GALNT10: variants seen among roughly 807,000 people sequenced by gnomAD.
GALNT10 encodes the protein GalNAc transferase 10.
A neutral mutation model predicts 75.0 loss-of-function variants in GALNT10; 41 were observed. The observed-to-expected ratio is 0.55, with a 90% CI of 0.43 to 0.71. The LOEUF is 0.71. GALNT10 is among the 30% of genes least tolerant of loss of function. GALNT10 has a pLI of 0.00. For missense variants in GALNT10, 727 were observed against 818.5 expected, an observed-to-expected ratio of 0.89 and a Z score of 1.36; for synonymous variants, 302 against 313.0, an observed-to-expected ratio of 0.96 and a Z score of 0.37.
In GALNT10 at chr5:154,377,029, T is replaced by C. The variant is rs147267126; in HGVS notation, c.754+567T>C. Reference sequence around the variant, plus strand: ...ATCTGTCGGGCTCCAAAGTCTATTCTCCTTCGCAGTTCTACATTGCCTCCC... The same window carrying C: ...ATCTGTCGGGCTCCAAAGTCTATTCCCCTTCGCAGTTCTACATTGCCTCCC... On this transcript the variant is annotated intron_variant, in intron 5 of 11. Transcript: ENST00000297107. Among the ~76,000 whole-genome samples, 1,485 of 152,364 alleles carry C rather than the reference T, an allele frequency of 9.7e-3. 14 individuals are homozygous for C. The highest frequency in any genetic ancestry group is 0.014 in the Non-Finnish European group (967 of 68,030).
chr5:154,323,709 G>A (rs79856737), intron 3 of GALNT10, among the ~76,000 whole-genome samples: 5,650 of 152,278 alleles, frequency 0.037, 170 homozygotes, highest in Middle Eastern at 0.078. Context: ...AGGTTCCTTC[G>A]CCTCATTGAG....
chr5:154,271,066 C>T (rs1235832623), intron 1 of GALNT10, among the ~76,000 whole-genome samples: 1 of 151,100 alleles, frequency 6.6e-6, no homozygotes, highest in Non-Finnish European at 1.5e-5. Flanking sequence ...CACTGGATGC[C>T]TTAAAAAAGG....
chr5:154,355,001 G>A (rs527821166), intron 4 of GALNT10, among the ~76,000 whole-genome samples: 4 of 152,330 alleles, frequency 2.6e-5, no homozygotes, highest in South Asian at 4.1e-4. Context: ...CTGTCAAGTC[G>A]TTGTGGTACT....
intron 1 of GALNT10, among the ~76,000 whole-genome samples, chr5:154,291,423 C>T (rs1468870652): frequency 6.6e-6 from 1 of 152,182 alleles, no homozygotes; most frequent in Admixed American, 6.5e-5. Flanking sequence ...CGCCCTAGAC[C>T]TACTGTGCCA....
At chr5:154,241,880 T>G (rs1250545343) in intron 1 of GALNT10, among the ~76,000 whole-genome samples, 4 of 152,234 alleles carry the variant, frequency 2.6e-5, no homozygotes, top group Non-Finnish European at 4.4e-5. Context: ...ATCATAAGGC[T>G]TTTTGAATAA....
intron 1 of GALNT10, among the ~76,000 whole-genome samples, chr5:154,197,547 T>C (rs1473981637): frequency 6.6e-6 from 1 of 152,136 alleles, no homozygotes; most frequent in Non-Finnish European, 1.5e-5. Flanking sequence ...TGAGTGTAGA[T>C]AGGAGAGAAA....
chr5:154,271,681 C>G (rs1753868134), intron 1 of GALNT10, among the ~76,000 whole-genome samples: 1 of 152,162 alleles, frequency 6.6e-6, no homozygotes, highest in African/African-American at 2.4e-5. Context: ...TAGACAATGT[C>G]CCAGTGGATG....
At chr5:154,351,990 T>C (rs1182779153) in intron 4 of GALNT10, among the ~76,000 whole-genome samples, 2 of 152,260 alleles carry the variant, frequency 1.3e-5, no homozygotes, top group African/African-American at 4.8e-5. Flanking sequence ...AGGAAGACAT[T>C]ATCATCACCT....
intron 1 of GALNT10, among the ~76,000 whole-genome samples, chr5:154,210,637 T>TC (rs1775182168): frequency 6.6e-6 from 1 of 152,150 alleles, no homozygotes; most frequent in South Asian, 2.1e-4. Context: ...GTATCCGTTT[T>TC]CCCCCCAACT....
At chr5:154,235,571 C>A (rs913920165) in intron 1 of GALNT10, among the ~76,000 whole-genome samples, 2 of 152,162 alleles carry the variant, frequency 1.3e-5, no homozygotes, top group African/African-American at 2.4e-5. Flanking sequence ...GGGGGACCAA[C>A]AATTGAGGAC....
chr5:154,223,798 T>A (rs994507503), intron 1 of GALNT10, among the ~76,000 whole-genome samples: 5 of 152,010 alleles, frequency 3.3e-5, no homozygotes, highest in Non-Finnish European at 7.4e-5. Flanking sequence ...TGCAGGCCTG[T>A]CATCCCAGCT....
chr5:154,218,193 C>G, intron 1 of GALNT10: 2 of 921,126 alleles, frequency 2.2e-6, no homozygotes, highest in Non-Finnish European at 2.6e-6. Context: ...CCTCCTCCCT[C>G]CCCACCTCAT....
Position 154,404,175 on chromosome 5 carries a change from G to A in GALNT10, c.1128G>A (p.Val376=), listed in dbSNP as rs1188185575. 1.2e-6 allele frequency: 2 copies of A among 1,611,332 alleles called. No homozygotes were observed. Among genetic ancestry groups the A allele is most frequent in the Non-Finnish European group, 1.7e-6 (2 of 1,178,328 alleles). The change falls in exon 8 of 12, where the codon GTG becomes GTA. Residue 376 remains valine (V), a synonymous_variant. Transcript: ENST00000297107. Reference sequence around the variant, plus strand: ...TGGGCCATATCTACAGGAAGTATGTGCCCTACAAGGTCCCGGCCGGAGTCA... The same window carrying A: ...TGGGCCATATCTACAGGAAGTATGTACCCTACAAGGTCCCGGCCGGAGTCA... ...SRVGHIYRKY[V]PYKVPAGVSL...
chr5:154,393,068 A>AAAAAAAAC (rs1554101629), intron 7 of GALNT10: 21 of 97,154 alleles, frequency 2.2e-4, no homozygotes, highest in African/African-American at 7.1e-4. Context: ...AAAAAAAAAA[A>AAAAAAAAC]AAAAAAAAAA....
rs7702260 is a variant in GALNT10, at chr5:154,381,243, C to T, written c.938+612C>T. Among the ~76,000 whole-genome samples the T allele has an allele frequency of 4.9e-3, 740 of 152,244 alleles. 9 individuals carry two copies. Among genetic ancestry groups the T allele is most frequent in the African/African-American group, 0.017 (709 of 41,546 alleles). On this transcript the variant is annotated intron_variant, in intron 6 of 11. Coordinates refer to ENST00000297107, the MANE Select transcript of GALNT10 (RefSeq NM_198321.4). ...GGGTGATGGGCTGGACTCACAGCAT[C>T]CTAGAATGTGAAGGCTGGAAGGAAC...
At chr5:154,271,497 G>A (rs1753865498) in intron 1 of GALNT10, among the ~76,000 whole-genome samples, 4 of 152,116 alleles carry the variant, frequency 2.6e-5, no homozygotes, top group Admixed American at 2.6e-4. Context: ...AAAAATAATA[G>A]AGCCAAAGCC....
At chr5:154,297,133 C>A (rs1195080818) in intron 2 of GALNT10, among the ~76,000 whole-genome samples, 1 of 152,060 alleles carries the variant, frequency 6.6e-6, no homozygotes, top group Non-Finnish European at 1.5e-5. Flanking sequence ...TGTGGACATT[C>A]CCACTTACCA....
chr5:154,191,374 T>C (rs1006871913), intron 1 of GALNT10, among the ~76,000 whole-genome samples: 1 of 151,828 alleles, frequency 6.6e-6, no homozygotes, highest in African/African-American at 2.4e-5. Context: ...CTTGTGCCAA[T>C]AGGAATGAAG....
At chr5:154,275,108 G>T (rs1036627591) in intron 1 of GALNT10, among the ~76,000 whole-genome samples, 2 of 152,210 alleles carry the variant, frequency 1.3e-5, no homozygotes, top group African/African-American at 2.4e-5. Context: ...TCTATAAAAC[G>T]AATGAGTTGA....
Sources: gnomAD v4.1 joint callset for allele counts (sites outside exome capture counted in the v4.1 genomes callset) on GRCh38, gnomAD v4.1.1 for gene constraint, MANE v1.5 for transcripts, NCBI Gene and HGNC (gene_info 2026-07-23, HGNC 2026-07-21) for gene names.